Variants in ERCC8 observed in about 807,000 individuals in gnomAD.
ERCC8 encodes ERCC excision repair 8, CSA ubiquitin ligase complex subunit.
Under a neutral mutation model 54.9 loss-of-function variants are expected in ERCC8, and 52 were observed. The observed-to-expected ratio is 0.95, with a 90% CI of 0.76 to 1.19. The LOEUF (loss-of-function observed/expected upper bound fraction) is 1.19. ERCC8 is among the 50% of genes most tolerant of loss of function. The pLI is 0.00. For synonymous variants in ERCC8, 146 were observed against 157.2 expected (o/e 0.93, Z 0.53); for missense variants, 514 against 466.1 (o/e 1.10, Z -0.95).
chr5:60,931,046 T>C (rs1311466307), intron 1 of ERCC8, among the ~76,000 whole-genome samples: 1 of 151,766 alleles, frequency 6.6e-6, no homozygotes, highest in Non-Finnish European at 1.5e-5. Flanking sequence ...GGGACGGAGG[T>C]TGCAGTGAGC....
At chr5:60,944,832 T>C (rs1252558352) in intron 1 of ERCC8, 100 bp downstream of exon 1, 17 of 880,368 alleles carry the variant, frequency 1.9e-5, no homozygotes, top group Non-Finnish European at 2.7e-5. Context: ...AATAGTTTGG[T>C]GGCAGGAGAG....
At chr5:60,877,195 T>A (rs182006009) in intron 11 of ERCC8, among the ~76,000 whole-genome samples, 2 of 152,226 alleles carry the variant, frequency 1.3e-5, no homozygotes, top group African/African-American at 4.8e-5. Flanking sequence ...GTTGTAGATA[T>A]GCAGCATTAC....
chr5:60,907,108 C>T (rs1326562980), intron 4 of ERCC8, among the ~76,000 whole-genome samples: 1 of 152,204 alleles, frequency 6.6e-6, no homozygotes, highest in African/African-American at 2.4e-5. Flanking sequence ...CTCTGGATTT[C>T]AGTAATGACT....
chr5:60,888,715 A>T (rs1207240655), intron 10 of ERCC8, among the ~76,000 whole-genome samples: 1 of 152,234 alleles, frequency 6.6e-6, no homozygotes, highest in African/African-American at 2.4e-5. Flanking sequence ...TTACAAGTGC[A>T]GTCCAAAAGA....
At chr5:60,916,957 T>G (rs994115135) in intron 4 of ERCC8, among the ~76,000 whole-genome samples, 2 of 151,888 alleles carry the variant, frequency 1.3e-5, no homozygotes, top group African/African-American at 4.8e-5. Flanking sequence ...AGTATGAAAA[T>G]GATATTATAA....
intron 1 of ERCC8, among the ~76,000 whole-genome samples, chr5:60,929,571 A>T (rs1406758187): frequency 1.3e-5 from 2 of 152,162 alleles, no homozygotes; most frequent in Non-Finnish European, 2.9e-5. Flanking sequence ...TGGGTGACAG[A>T]GTGAGATCCT....
rs1747939380 is a variant in ERCC8 at position 60,874,546 on chromosome 5, T to A, written c.*69A>T. The A allele has an allele frequency of 7.4e-7, 1 of 1,352,944 alleles. No individual in the cohort carries two copies. The highest frequency in any genetic ancestry group is 1.2e-5 in the South Asian group (1 of 82,452). The allele number at this position is 1,352,944 out of a possible 1,614,324, so 83.8% of individuals were successfully genotyped here. A position where few individuals can be genotyped will look rare whatever the true frequency, so the allele number is the denominator to read the frequency against. ...TAATTTAGCTGTCAGGAATAGACCA[T>A]ACAGTTGAAAAAAACACAGTCTCAT... On this transcript the variant is annotated 3_prime_UTR_variant, in exon 12 of 12. Transcript: ENST00000676185.
At chr5:60,925,410 C>T (rs186381825) in intron 2 of ERCC8, among the ~76,000 whole-genome samples, 7 of 152,182 alleles carry the variant, frequency 4.6e-5, no homozygotes, top group Non-Finnish European at 8.8e-5. Context: ...GACTGGTTAG[C>T]TCTTTGGAAA....
intron 7 of ERCC8, 104 bp from the exon 8 acceptor site, chr5:60,899,831 G>T: frequency 1.2e-6 from 1 of 813,274 alleles, no homozygotes; most frequent in Non-Finnish European, 2.1e-6. Flanking sequence ...CGTTATATAG[G>T]TACATATGTA....
At chr5:60,944,640 G>A (rs1750370083) in intron 1 of ERCC8, among the ~76,000 whole-genome samples, 1 of 152,004 alleles carries the variant, frequency 6.6e-6, no homozygotes, top group African/African-American at 2.4e-5. Context: ...TAAGAGAGAA[G>A]GAATACAGTA....
At chr5:60,885,014 CT>C (rs11323212) in intron 11 of ERCC8, among the ~76,000 whole-genome samples, 18,425 of 147,746 alleles carry the variant, frequency 0.12, 2,377 homozygotes, top group African/African-American at 0.33. Context: ...CACATATTAT[CT>C]TTTTTTTTTT....
At chr5:60,889,648 C>A (rs1320671156) in intron 10 of ERCC8, among the ~76,000 whole-genome samples, 1 of 152,166 alleles carries the variant, frequency 6.6e-6, no homozygotes, top group Non-Finnish European at 1.5e-5. Flanking sequence ...AGAGAAGCTC[C>A]AATTTGGTAG....
chr5:60,884,177 A>G (rs930493467), intron 11 of ERCC8, among the ~76,000 whole-genome samples: 10 of 152,140 alleles, frequency 6.6e-5, no homozygotes, highest in African/African-American at 2.4e-4. Context: ...CAGTTTCCTG[A>G]AGCTAAAGAC....
rs147842555 is a variant in ERCC8, at chr5:60,868,857, A to G, written c.*5758T>C. On this transcript the variant is annotated 3_prime_UTR_variant, in exon 12 of 12. Transcript: ENST00000676185. ...AAGAACTAGCACTATCCTGAGCCCT[A>G]GATTTAACCTTCCGATGTCCAGAAA... Among the ~76,000 whole-genome samples, 493 of 152,324 alleles carry G rather than the reference A, an allele frequency of 3.2e-3. 3 individuals are homozygous for G. Among genetic ancestry groups the G allele is most frequent in the African/African-American group, 0.011 (472 of 41,588 alleles).
At chr5:60,935,415 A>G (rs1265360758) in intron 1 of ERCC8, among the ~76,000 whole-genome samples, 2 of 152,186 alleles carry the variant, frequency 1.3e-5, no homozygotes, top group African/African-American at 2.4e-5. Flanking sequence ...GAATTCATTT[A>G]CCAGTTCTAG....
chr5:60,887,565 T>C (rs747477380), intron 10 of ERCC8, 45 bp from the exon 11 acceptor site: 2 of 1,332,470 alleles, frequency 1.5e-6, no homozygotes, highest in African/African-American at 2.9e-5. Flanking sequence ...CAAGAGCTGA[T>C]ATCAAACTGA....
rs1747783927 is a variant in ERCC8, at chr5:60,867,780, A to G, written c.*6835T>C. Among the ~76,000 whole-genome samples, 2 of 152,216 alleles carry G rather than the reference A, an allele frequency of 1.3e-5. No individual in the cohort carries two copies. Among genetic ancestry groups the G allele is most frequent in the African/African-American group, 2.4e-5 (1 of 41,454 alleles). ...GGTGGTGTTTTTACAGAAGGTGTTGACAAGCTCTCATTTAGTACTGTTGCT... is the reference window on the plus strand; with the variant it reads ...GGTGGTGTTTTTACAGAAGGTGTTGGCAAGCTCTCATTTAGTACTGTTGCT... On this transcript the variant is annotated 3_prime_UTR_variant, in exon 12 of 12. Transcript: ENST00000676185.
chr5:60,868,018 T>A lies in ERCC8; in HGVS notation c.*6597A>T, dbSNP rs6885989. On this transcript the variant is annotated 3_prime_UTR_variant, in exon 12 of 12. Transcript: ENST00000676185. ...CAACATGGAGAAACCCTGTCTCTAC[T>A]AAAAATACAAAATAAGCCAGGCATG... Among the ~76,000 whole-genome samples the A allele has an allele frequency of 6.6e-6, 1 of 152,070 alleles. No individual in the cohort carries two copies. Among genetic ancestry groups the A allele is most frequent in the African/African-American group, 2.4e-5 (1 of 41,490 alleles).
rs1170248858 is a variant in ERCC8 at position 60,938,048 on chromosome 5, CATATATATAT to C, written c.77+6874_77+6883del. On this transcript the variant is annotated intron_variant, in intron 1 of 11. Transcript: ENST00000676185. ...GTATACATACATACATACATACATA[CATATATATAT>C]ATATATATATATATATATATATATA... is the stretch of plus-strand genomic sequence containing the variant. 9.4e-4 allele frequency among the ~76,000 whole-genome samples: 22 copies of C among 23,392 alleles called. No individual in the cohort carries two copies. The South Asian group carries it at 0.024, about 25-fold the overall frequency. 15.3% of individuals were successfully genotyped at this position (23,392 alleles called of 152,430 possible). A position where few individuals can be genotyped will look rare whatever the true frequency, so the allele number is the denominator to read the frequency against.
Sources: gnomAD v4.1 joint callset for allele counts (sites outside exome capture counted in the v4.1 genomes callset) on GRCh38, gnomAD v4.1.1 for gene constraint, MANE v1.5 for transcripts, NCBI Gene and HGNC (gene_info 2026-07-23, HGNC 2026-07-21) for gene names.